The following ARHGAP28 variants were observed in gnomAD, a reference collection of about 807,000 sequenced individuals.
The protein encoded by ARHGAP28 is rho GTPase-activating protein 28.
ARHGAP28 carries 56 observed loss-of-function variants against 90.7 expected under a neutral mutation model. The ratio of observed to expected loss-of-function variants is 0.62; its 90% confidence interval spans 0.50 to 0.77. ARHGAP28 has a LOEUF of 0.77. Among genes scored for constraint, ARHGAP28 ranks in the 30% least tolerant of loss-of-function variants. ARHGAP28 has a pLI of 0.00. For missense variants in ARHGAP28, 869 were observed against 900.9 expected (o/e 0.96, Z 0.45); for synonymous variants, 308 against 323.3 (o/e 0.95, Z 0.51).
chr18:6,785,576 T>C (rs2056358819), intron 1 of ARHGAP28, among the ~76,000 whole-genome samples: 1 of 152,216 alleles, frequency 6.6e-6, no homozygotes. Flanking sequence ...CTGTGCATAC[T>C]TGCAGGAATT....
intron 1 of ARHGAP28, among the ~76,000 whole-genome samples, chr18:6,813,888 C>T (rs1183870543): frequency 1.3e-5 from 2 of 152,070 alleles, no homozygotes; most frequent in Non-Finnish European, 2.9e-5. Context: ...GAGGATCTCC[C>T]TCTCAAACAG....
intron 1 of ARHGAP28, among the ~76,000 whole-genome samples, chr18:6,797,073 C>T (rs2056446830): frequency 6.6e-6 from 1 of 152,122 alleles, no homozygotes; most frequent in Non-Finnish European, 1.5e-5. Context: ...AGTAAATAGA[C>T]TTTGGGGCTC....
intron 2 of ARHGAP28, among the ~76,000 whole-genome samples, chr18:6,828,135 G>A (rs62082811): frequency 0.61 from 92,908 of 152,024 alleles, 30,027 homozygotes; most frequent in South Asian, 0.74. Flanking sequence ...GATCACTCGC[G>A]GTTAGGAGCT....
intron 9 of ARHGAP28, among the ~76,000 whole-genome samples, chr18:6,875,928 T>C (rs1244195479): frequency 2.0e-5 from 3 of 152,210 alleles, no homozygotes; most frequent in Admixed American, 1.3e-4. Flanking sequence ...GTATAACTGC[T>C]ATAAATCTCT....
At position 6,882,290 on chromosome 18, in the gene ARHGAP28, C is replaced by G; in HGVS notation, c.1444C>G (p.Leu482Val). 6.2e-7 allele frequency: 1 copy of G among 1,611,422 alleles called. No individual in the cohort carries two copies. Among genetic ancestry groups the G allele is most frequent in the Non-Finnish European group, 8.5e-7 (1 of 1,179,160 alleles). Residue 482 changes from leucine (L) to valine (V), a missense_variant, in exon 11 of 18, where the codon CTA becomes GTA. By Grantham distance (32) the Leu-to-Val change is conservative. Transcript: ENST00000383472. ...GGAATATATACCTGCCTTCATCAGT[C>G]TAATGGAAAGTAGGTGGAAGACGTT... Reference protein sequence around the residue: ...PVEYIPAFISLMERGPHVKVQ... With the variant: ...PVEYIPAFISVMERGPHVKVQ...
At chr18:6,785,824 A>C (rs921935768) in intron 1 of ARHGAP28, among the ~76,000 whole-genome samples, 4 of 152,244 alleles carry the variant, frequency 2.6e-5, no homozygotes, top group African/African-American at 9.6e-5. Context: ...ATACGGTGAT[A>C]GTGCATGAAA....
intron 3 of ARHGAP28, among the ~76,000 whole-genome samples, chr18:6,844,662 T>C (rs1039763802): frequency 9.2e-5 from 14 of 152,288 alleles, no homozygotes; most frequent in Admixed American, 9.2e-4. Context: ...AACTCCTCTT[T>C]TGGATGTGAC....
intron 1 of ARHGAP28, among the ~76,000 whole-genome samples, chr18:6,780,894 CAAA>C (rs56272373): frequency 8.8e-5 from 9 of 102,434 alleles, no homozygotes; most frequent in African/African-American, 7.2e-5. Flanking sequence ...ACTCCGTCTC[CAAA>C]AAAAAAAAAA....
At chr18:6,875,302 G>A (rs993583195) in intron 9 of ARHGAP28, among the ~76,000 whole-genome samples, 3 of 152,200 alleles carry the variant, frequency 2.0e-5, no homozygotes, top group South Asian at 4.1e-4. Context: ...CTACAAGAGA[G>A]GCTTTTCTTA....
chr18:6,881,590 T>A (rs1333677905), intron 10 of ARHGAP28, among the ~76,000 whole-genome samples: 1 of 152,216 alleles, frequency 6.6e-6, no homozygotes, highest in Non-Finnish European at 1.5e-5. Flanking sequence ...GTGGAAGGCA[T>A]GTGTCTGTCT....
intron 1 of ARHGAP28, among the ~76,000 whole-genome samples, chr18:6,730,715 A>G (rs1352324075): frequency 1.3e-5 from 2 of 152,202 alleles, no homozygotes; most frequent in African/African-American, 2.4e-5. Flanking sequence ...TGGGTAGACA[A>G]AAGTATTATG....
chr18:6,794,468 C>T (rs1172376068), intron 1 of ARHGAP28, among the ~76,000 whole-genome samples: 1 of 152,160 alleles, frequency 6.6e-6, no homozygotes, highest in Non-Finnish European at 1.5e-5. Context: ...CTTGGGCCTC[C>T]CCTGGCAGGT....
intron 3 of ARHGAP28, among the ~76,000 whole-genome samples, chr18:6,848,895 C>T (rs1434643851): frequency 6.6e-6 from 1 of 152,106 alleles, no homozygotes; most frequent in East Asian, 1.9e-4. Context: ...GCAAAATATT[C>T]TCTCACTTGG....
At chr18:6,823,301 T>C (rs1600216961) in intron 1 of ARHGAP28, among the ~76,000 whole-genome samples, 1 of 152,130 alleles carries the variant, frequency 6.6e-6, no homozygotes, top group Admixed American at 6.5e-5. Flanking sequence ...GTAAATGGAA[T>C]AATCTAGTAT....
chr18:6,896,162 C>T (rs1398648246), intron 15 of ARHGAP28, among the ~76,000 whole-genome samples: 7 of 152,146 alleles, frequency 4.6e-5, no homozygotes, highest in African/African-American at 1.7e-4. Context: ...TATTGAAGTA[C>T]AGAATTATGC....
In ARHGAP28 at chr18:6,873,562, G is replaced by C. The variant is rs577318866; in HGVS notation, c.1108G>C (p.Val370Leu). 22 of 1,613,450 alleles carry C rather than the reference G, an allele frequency of 1.4e-5. No individual in the cohort carries two copies. The East Asian group carries it at 4.7e-4, about 34-fold the overall frequency. Residue 370 changes from valine to leucine, a missense_variant, in exon 8 of 18, where the codon GTA becomes CTA. Physicochemically the swap from Val to Leu is conservative, Grantham distance 32 (BLOSUM62 1). Transcript: ENST00000383472. ...IQLKRNKTEK[V>L]KGRDNGIFGV... Reference sequence around the variant, plus strand: ...ACTGAAAAGGAACAAAACAGAGAAAGTAAAAGGACGAGGTAACTAAGAAGA... The same window carrying C: ...ACTGAAAAGGAACAAAACAGAGAAACTAAAAGGACGAGGTAACTAAGAAGA...
intron 1 of ARHGAP28, among the ~76,000 whole-genome samples, chr18:6,749,889 G>A (rs1476199834): frequency 3.3e-5 from 5 of 152,082 alleles, no homozygotes; most frequent in Non-Finnish European, 5.9e-5. Flanking sequence ...TAAAGTGTAG[G>A]TAGCTTCAAA....
intron 1 of ARHGAP28, among the ~76,000 whole-genome samples, chr18:6,732,500 T>TA (rs1031863668): frequency 1.5e-4 from 22 of 150,346 alleles, no homozygotes; most frequent in Non-Finnish European, 2.5e-4. Flanking sequence ...GCTAACCATT[T>TA]AAAAAAAAAA....
chr18:6,735,077 A>G (rs1411623169), intron 1 of ARHGAP28, among the ~76,000 whole-genome samples: 2 of 152,194 alleles, frequency 1.3e-5, no homozygotes, highest in Admixed American at 1.3e-4. Context: ...TATGCACAAA[A>G]GTTTAGGGAA....
Sources: gnomAD v4.1 joint callset for allele counts (sites outside exome capture counted in the v4.1 genomes callset) on GRCh38, gnomAD v4.1.1 for gene constraint, MANE v1.5 for transcripts, NCBI Gene and HGNC (gene_info 2026-07-23, HGNC 2026-07-21) for gene names.